Variants in POLR3A observed in about 807,000 individuals in gnomAD.
The protein encoded by POLR3A is RNA polymerase III subunit A, also known as DNA-directed RNA polymerase III subunit RPC1.
A neutral mutation model predicts 152.8 loss-of-function variants in POLR3A; 112 were observed. The ratio of observed to expected loss-of-function variants is 0.73; its 90% confidence interval spans 0.63 to 0.86. The LOEUF is 0.86. POLR3A is among the 40% of genes least tolerant of loss of function. The pLI is 0.00. For synonymous variants in POLR3A, 615 were observed against 652.1 expected, an observed-to-expected ratio of 0.94 and a Z score of 0.87; for missense variants, 1,385 against 1,743.1, an observed-to-expected ratio of 0.79 and a Z score of 3.66.
intron 29 of POLR3A, 109 bp downstream of exon 29, chr10:77,981,319 T>C (rs1315802154): frequency 1.0e-5 from 11 of 1,048,422 alleles, no homozygotes; most frequent in African/African-American, 3.1e-5. Context: ...CTCTCTATGA[T>C]GGTCCTCACA....
In POLR3A at chr10:78,004,765, G is replaced by A. The variant is rs1180926052; in HGVS notation, c.2198C>T (p.Thr733Met). 26 of 1,613,772 alleles carry A rather than the reference G, an allele frequency of 1.6e-5. No homozygotes were observed. Among genetic ancestry groups the A allele is most frequent in the East Asian group, 2.2e-5 (1 of 44,886 alleles). Residue 733 changes from threonine to methionine, a missense_variant, in exon 16 of 31, where the codon ACG (threonine) becomes ATG (methionine). Coordinates refer to ENST00000372371, the MANE Select transcript of POLR3A (RefSeq NM_007055.4). ...GCCAGGCTGCTGCTGCAGCTTGCCC[G>A]TGTTCAGGGCTTCGATGTACTCATC... ...KCDEYIEALN[T>M]GKLQQQPGCT...
chr10:78,029,510 A>T lies in POLR3A; in HGVS notation c.-103T>A, dbSNP rs117201371. The T allele has an allele frequency of 2.9e-4, 327 of 1,124,342 alleles. 2 individuals carry two copies. The East Asian group carries it at 7.8e-3, about 27-fold the overall frequency. 69.6% of individuals were successfully genotyped at this position (1,124,342 alleles called of 1,614,324 possible). A position where few individuals can be genotyped will look rare whatever the true frequency, so the allele number is the denominator to read the frequency against. The stretch of plus-strand genomic sequence containing the variant: ...CTGCTTCTGGACTCGCCGCTAACAC[A>T]TCTGCGGCATCCTCTCGGCCACCGT... On this transcript the variant is annotated 5_prime_UTR_variant, in exon 1 of 31. It removes an upstream start codon present in the reference 5' UTR. Transcript: ENST00000372371.
At position 77,982,155 on chromosome 10, in the gene POLR3A, T is replaced by C; in HGVS notation, c.3758A>G (p.Glu1253Gly). The C allele has an allele frequency of 6.3e-7, 1 of 1,595,440 alleles. No homozygotes were observed. The highest frequency in any genetic ancestry group is 8.6e-7 in the Non-Finnish European group (1 of 1,168,684). ...GTRTTSNNTY[E>G]VEKTLGIEAA... ...GCGACCCCGTGGGCTGAGTGGTACC[T>C]CATAGGTGTTATTGGAGGTGGTTCG... The change falls in exon 28 of 31, where the codon GAG (glutamate) becomes GGG (glycine). Residue 1253 changes from glutamate to glycine, a missense_variant and splice_region_variant. Coordinates refer to ENST00000372371, the MANE Select transcript of POLR3A (RefSeq NM_007055.4).
rs769828549 is a variant in POLR3A at position 78,000,955 on chromosome 10, A to C, written c.2478+21T>G. 3 of 1,204,752 alleles carry C rather than the reference A, an allele frequency of 2.5e-6. No individual in the cohort carries two copies. In the East Asian group the frequency reaches 7.0e-5, roughly 28 times the overall value. The allele number at this position is 1,204,752 out of a possible 1,614,324, so 74.6% of individuals were successfully genotyped here. A position where few individuals can be genotyped will look rare whatever the true frequency, so the allele number is the denominator to read the frequency against. ...TAGATTAAGAGATCTTCACAGTTCTACCTGATCTGCTACTGCTTACCTTTG... is the reference window on the plus strand; with the variant it reads ...TAGATTAAGAGATCTTCACAGTTCTCCCTGATCTGCTACTGCTTACCTTTG... On this transcript the variant is annotated intron_variant, in intron 18 of 30. Transcript: ENST00000372371.
At chr10:78,017,764 C>T (rs759764755) in intron 9 of POLR3A, 48 bp from the exon 10 acceptor site, 1 of 1,591,632 alleles carries the variant, frequency 6.3e-7, no homozygotes, top group Non-Finnish European at 8.6e-7. Flanking sequence ...AGTTCTCTCA[C>T]CAAGTTTCTC....
chr10:78,010,203 A>C (rs1002921335), intron 12 of POLR3A, among the ~76,000 whole-genome samples: 1 of 152,004 alleles, frequency 6.6e-6, no homozygotes, highest in Non-Finnish European at 1.5e-5. Context: ...AAAGGGACAG[A>C]TTCTAAGCCA....
chr10:77,986,587 A>G (rs1358643267), intron 21 of POLR3A, among the ~76,000 whole-genome samples: 2 of 152,220 alleles, frequency 1.3e-5, no homozygotes, highest in Non-Finnish European at 2.9e-5. Context: ...TGCTCAGTTT[A>G]AATACTACCA....
At chr10:78,024,401 A>T in intron 5 of POLR3A, 148 bp downstream of exon 5, 1 of 627,488 alleles carries the variant, frequency 1.6e-6, no homozygotes, top group Non-Finnish European at 2.8e-6. Flanking sequence ...GAATTATCGG[A>T]GAGCTGTCGA....
At chr10:78,019,405 G>A in intron 8 of POLR3A, 140 bp from the exon 9 acceptor site, 1 of 690,182 alleles carries the variant, frequency 1.4e-6, no homozygotes, top group Non-Finnish European at 2.6e-6. Flanking sequence ...TGCTGCCTAT[G>A]GTCTTGAGTA....
At chr10:77,993,463 G>T in intron 19 of POLR3A, 96 bp from the exon 20 acceptor site, 2 of 901,174 alleles carry the variant, frequency 2.2e-6, no homozygotes, top group Non-Finnish European at 1.8e-6. Flanking sequence ...AAGGTTACAA[G>T]CACTTTAATC....
chr10:77,980,397 G>T, intron 29 of POLR3A, 124 bp from the exon 30 acceptor site: 1 of 879,544 alleles, frequency 1.1e-6, no homozygotes, highest in Non-Finnish European at 1.8e-6. Flanking sequence ...AGGTGTGAAA[G>T]GCCCTGAGGA....
intron 16 of POLR3A, among the ~76,000 whole-genome samples, chr10:78,004,035 AC>A (rs72515553): frequency 0.12 from 18,958 of 152,026 alleles, 2,277 homozygotes; most frequent in African/African-American, 0.3. Flanking sequence ...GGAGATCGAG[AC>A]CGTGCTGGCC....
At chr10:78,011,802 G>A (rs970322907) in intron 11 of POLR3A, among the ~76,000 whole-genome samples, 21 of 152,184 alleles carry the variant, frequency 1.4e-4, no homozygotes, top group Admixed American at 6.5e-4. Flanking sequence ...AAATCAGAAC[G>A]ATAGGTATTT....
chr10:78,024,769 G>T, intron 4 of POLR3A, 66 bp from the exon 5 acceptor site: 2 of 1,471,672 alleles, frequency 1.4e-6, no homozygotes, highest in Non-Finnish European at 1.9e-6. Flanking sequence ...AGAGATTGTA[G>T]TATGGTTAAT....
chr10:77,991,419 G>A (rs112985795), intron 20 of POLR3A, among the ~76,000 whole-genome samples: 5 of 152,170 alleles, frequency 3.3e-5, no homozygotes, highest in Admixed American at 1.3e-4. Context: ...CCCAGCCTTC[G>A]CCACCCCACT....
chr10:78,013,471 C>T (rs529871571), intron 11 of POLR3A, 179 bp downstream of exon 11: 1 of 662,682 alleles, frequency 1.5e-6, no homozygotes, highest in Non-Finnish European at 2.7e-6. Context: ...AGAGATTCTT[C>T]AAAGGCTCAA....
intron 19 of POLR3A, among the ~76,000 whole-genome samples, chr10:77,998,519 A>T (rs1214865749): frequency 6.6e-6 from 1 of 152,264 alleles, no homozygotes; most frequent in East Asian, 1.9e-4. Context: ...TCAAAAGAAG[A>T]CATTTATGCA....
intron 21 of POLR3A, among the ~76,000 whole-genome samples, chr10:77,989,934 GA>G (rs1468044885): frequency 6.6e-6 from 1 of 152,180 alleles, no homozygotes; most frequent in African/African-American, 2.4e-5. Flanking sequence ...AAATCTGGAA[GA>G]GTCTCTTTTT....
intron 2 of POLR3A, 54 bp from the exon 3 acceptor site, chr10:78,025,813 T>C: frequency 1.3e-6 from 2 of 1,560,316 alleles, no homozygotes; most frequent in Non-Finnish European, 1.8e-6. Flanking sequence ...CGGGAAAGAG[T>C]GCCCAGCCAT....
Sources: allele counts gnomAD v4.1 joint callset (sites outside exome capture counted in the v4.1 genomes callset), GRCh38; gene constraint gnomAD v4.1.1; transcripts MANE v1.5; gene names NCBI Gene and HGNC (gene_info 2026-07-23, HGNC 2026-07-21).